Variants in EHBP1 observed in about 807,000 individuals in gnomAD.
EHBP1 encodes EH domain binding protein 1, also known as EH domain-binding protein 1.
A neutral mutation model predicts 144.0 loss-of-function variants in EHBP1; 55 were observed. The observed-to-expected ratio is 0.38, with a 90% CI of 0.31 to 0.48. EHBP1 has a LOEUF of 0.48. Ranked by LOEUF, EHBP1 falls within the 20% of genes least tolerant of loss-of-function variation. The probability of loss-of-function intolerance (pLI) is 0.98; values close to 1 mark genes in which losing one functional copy is unlikely to be tolerated. For synonymous variants in EHBP1, 469 were observed against 472.7 expected, an observed-to-expected ratio of 0.99 and a Z score of 0.10; for missense variants, 1,200 against 1,364.2, an observed-to-expected ratio of 0.88 and a Z score of 1.90.
chr2:62,777,510 C>T (rs1434851126), intron 5 of EHBP1, among the ~76,000 whole-genome samples: 2 of 151,640 alleles, frequency 1.3e-5, no homozygotes, highest in African/African-American at 4.8e-5. Context: ...GGTTTTTTCT[C>T]CCACATTTTT....
At chr2:62,927,497 A>G (rs914451285) in intron 10 of EHBP1, among the ~76,000 whole-genome samples, 1 of 152,204 alleles carries the variant, frequency 6.6e-6, no homozygotes, top group Non-Finnish European at 1.5e-5. Context: ...TTTGTCAATT[A>G]AAAAATAAAG....
At chr2:62,945,317 CA>C (rs2056998097) in intron 12 of EHBP1, among the ~76,000 whole-genome samples, 1 of 152,070 alleles carries the variant, frequency 6.6e-6, no homozygotes, top group African/African-American at 2.4e-5. Context: ...CCATGTAAAA[CA>C]TTATTCTGAG....
chr2:62,959,148 C>T (rs1193132271), intron 14 of EHBP1, among the ~76,000 whole-genome samples: 1 of 152,184 alleles, frequency 6.6e-6, no homozygotes, highest in Non-Finnish European at 1.5e-5. Context: ...CTATAACTGG[C>T]TTATTTCACT....
intron 3 of EHBP1, among the ~76,000 whole-genome samples, chr2:62,755,473 G>A (rs981707645): frequency 2.0e-5 from 3 of 151,804 alleles, no homozygotes; most frequent in African/African-American, 7.3e-5. Context: ...TATTGTACAA[G>A]TGTCTTTGGG....
intron 3 of EHBP1, among the ~76,000 whole-genome samples, chr2:62,750,059 A>G (rs570990784): frequency 6.6e-6 from 1 of 152,288 alleles, no homozygotes; most frequent in Admixed American, 6.5e-5. Flanking sequence ...GTCCTTGCCC[A>G]TGCCTGTGTC....
intron 19 of EHBP1, among the ~76,000 whole-genome samples, chr2:63,026,908 C>G (rs1394759462): frequency 7.9e-5 from 12 of 152,186 alleles, no homozygotes; most frequent in Non-Finnish European, 1.3e-4. Flanking sequence ...TATGGATGAA[C>G]TAAGTGAACA....
At chr2:62,980,676 G>A (rs1206734715) in intron 15 of EHBP1, among the ~76,000 whole-genome samples, 1 of 151,800 alleles carries the variant, frequency 6.6e-6, no homozygotes, top group South Asian at 2.1e-4. Context: ...CAGAATGTCT[G>A]TATCTTAGTT....
chr2:63,031,491 G>A (rs2061244816), intron 19 of EHBP1, among the ~76,000 whole-genome samples: 1 of 152,156 alleles, frequency 6.6e-6, no homozygotes, highest in Non-Finnish European at 1.5e-5. Flanking sequence ...TTGGAGTTCT[G>A]AGTGTTTTAA....
At chr2:62,721,257 G>A (rs1277961345) in intron 2 of EHBP1, among the ~76,000 whole-genome samples, 1 of 152,044 alleles carries the variant, frequency 6.6e-6, no homozygotes, top group East Asian at 1.9e-4. Context: ...TTAGTCATTA[G>A]ACTGAGGTGA....
intron 3 of EHBP1, among the ~76,000 whole-genome samples, chr2:62,753,622 G>A (rs1055245287): frequency 1.3e-5 from 2 of 152,094 alleles, no homozygotes; most frequent in Admixed American, 6.5e-5. Flanking sequence ...CATTCTCCCT[G>A]TCACTCTCAG....
At position 63,038,755 on chromosome 2, in the gene EHBP1, T is replaced by G; in HGVS notation, c.3216T>G (p.His1072Gln). 1 of 1,613,338 alleles carries G rather than the reference T, an allele frequency of 6.2e-7. No homozygotes were observed. The highest frequency in any genetic ancestry group is 8.5e-7 in the Non-Finnish European group (1 of 1,179,464). The change falls in exon 21 of 23, where the codon CAT becomes CAG. Residue 1072 changes from histidine (H) to glutamine (Q), a missense_variant. Around this residue, in one of 6 missense-constraint regions of EHBP1, gnomAD observed 149 missense variants for 217.0 expected, o/e 0.69. Coordinates refer to ENST00000431489, the MANE Select transcript of EHBP1 (RefSeq NM_001142616.3). The part of the protein sequence containing the change: ...MNQLSLLEKE[H>Q]DLERRYELLN... ...GCAACTTGCCCAGGGAAAAAGAACA[T>G]GATTTAGAACGACGGTATGAGCTGC...
rs143133706 is a variant in EHBP1 at position 62,979,210 on chromosome 2, G to C, written c.2483G>C (p.Arg828Pro). Residue 828 changes from arginine (R) to proline (P), a missense_variant, in exon 15 of 23, where the codon CGG becomes CCG. By Grantham distance (103) the Arg-to-Pro change is moderately radical (BLOSUM62 -2). This residue lies in a region of EHBP1 where 543 missense variants were observed against 513.1 expected (regional missense o/e 1.06). Coordinates refer to ENST00000431489, the MANE Select transcript of EHBP1 (RefSeq NM_001142616.3). ...TAGCAGCAAGATGAAGAGCGACGTC[G>C]GCAGCTGAGAGAGAGAGCTCGTCAG... is the stretch of plus-strand genomic sequence containing the variant. ...LSDQQDEERR[R>P]QLRERARQLI... 6.2e-7 allele frequency: 1 copy of C among 1,613,168 alleles called. No individual in the cohort carries two copies. Among genetic ancestry groups the C allele is most frequent in the Non-Finnish European group, 8.5e-7 (1 of 1,179,488 alleles).
At chr2:62,946,676 G>T (rs757246198) in intron 12 of EHBP1, among the ~76,000 whole-genome samples, 91 of 152,280 alleles carry the variant, frequency 6.0e-4, no homozygotes, top group Non-Finnish European at 1.2e-3. Flanking sequence ...TTCTTAGAAA[G>T]ACCTCTTTTT....
intron 9 of EHBP1, among the ~76,000 whole-genome samples, chr2:62,867,211 A>G (rs2050112051): frequency 6.6e-6 from 1 of 152,172 alleles, no homozygotes; most frequent in Admixed American, 6.5e-5. Context: ...TATAGAAGTA[A>G]AACGTTATGA....
rs188915146 is a variant in EHBP1 at position 63,006,613 on chromosome 2, C to T, written c.3103+9847C>T. 4.5e-4 allele frequency among the ~76,000 whole-genome samples: 69 copies of T among 151,948 alleles called. 1 individual carries two copies. Among genetic ancestry groups the T allele is most frequent in the Non-Finnish European group, 1.3e-4 (9 of 67,836 alleles). On this transcript the variant is annotated intron_variant, in intron 19 of 22. Coordinates refer to ENST00000431489, the MANE Select transcript of EHBP1 (RefSeq NM_001142616.3). ...AAGTACAGACACTGTAAGTTAAATA[C>T]ATTTTAAGTAAAAGTTAAATTTTCC...
chr2:62,777,691 C>T (rs546140833), intron 5 of EHBP1, among the ~76,000 whole-genome samples: 21 of 152,060 alleles, frequency 1.4e-4, no homozygotes, highest in African/African-American at 3.4e-4. Flanking sequence ...GATAACCTGT[C>T]CTCAAGAAGC....
intron 19 of EHBP1, among the ~76,000 whole-genome samples, chr2:63,026,294 TTGTGTGTGTGTGTGTGTGTGTGTGTG>T (rs60109170): frequency 1.5e-5 from 2 of 129,102 alleles, no homozygotes; most frequent in South Asian, 3.0e-4. Context: ...GCTCTCTACC[TTGTGTGTGTGTGTGTGTGTGTGTGTG>T]TGTGTGTGTG....
At chr2:63,024,217 G>A (rs1019103525) in intron 19 of EHBP1, among the ~76,000 whole-genome samples, 1 of 152,168 alleles carries the variant, frequency 6.6e-6, no homozygotes, top group African/African-American at 2.4e-5. Flanking sequence ...GGTGGCAGGT[G>A]CCTGTAATCC....
In EHBP1 at chr2:63,045,225, G is replaced by A. The variant is rs750958107; in HGVS notation, c.3392+45G>A. ...GGGTCGAGGCTGGGCCACCTGCCGAGGGGCCGAGAAGTGTGCGGAAAGTTC... is the reference window on the plus strand; with the variant it reads ...GGGTCGAGGCTGGGCCACCTGCCGAAGGGCCGAGAAGTGTGCGGAAAGTTC... On this transcript the variant is annotated intron_variant, in intron 22 of 22. Coordinates refer to ENST00000431489, the MANE Select transcript of EHBP1 (RefSeq NM_001142616.3). This position sits in a 1 kb window ranked among gnomAD's most constrained non-coding sequence, Gnocchi z 5.7. 4.6e-6 allele frequency: 7 copies of A among 1,524,694 alleles called. No individual in the cohort carries two copies. Among genetic ancestry groups the A allele is most frequent in the Non-Finnish European group, 6.2e-6 (7 of 1,120,898 alleles). The allele number at this position is 1,524,694 out of a possible 1,614,324, so 94.4% of individuals were successfully genotyped here. A position where few individuals can be genotyped will look rare whatever the true frequency, so the allele number is the denominator to read the frequency against.
Sources: allele counts gnomAD v4.1 joint callset (sites outside exome capture counted in the v4.1 genomes callset), GRCh38; gene constraint gnomAD v4.1.1; regional missense constraint gnomAD v4.1.1; non-coding constraint Gnocchi (gnomAD v3.1); transcripts MANE v1.5; gene names NCBI Gene and HGNC (gene_info 2026-07-23, HGNC 2026-07-21).